The following SYNPO2 variants were observed in gnomAD, a reference collection of about 807,000 sequenced individuals.
SYNPO2 encodes synaptopodin-2.
SYNPO2 carries 56 observed loss-of-function variants against 85.0 expected under a neutral mutation model. The ratio of observed to expected loss-of-function variants is 0.66; its 90% CI spans 0.53 to 0.82. The LOEUF (loss-of-function observed/expected upper bound fraction) is 0.82, where lower values mean the gene tolerates loss of function less well. Ranked by LOEUF, SYNPO2 falls within the 40% of genes least tolerant of loss-of-function variation. The pLI, the probability that SYNPO2 is intolerant of heterozygous loss-of-function variation, is 0.00. For synonymous variants in SYNPO2, 602 were observed against 591.1 expected (o/e 1.02, Z -0.27); for missense variants, 1,575 against 1,534.2 (o/e 1.03, Z -0.44).
upstream of SYNPO2, among the ~76,000 whole-genome samples, chr4:118,883,942 T>G (rs189749731): frequency 6.6e-6 from 1 of 152,286 alleles, no homozygotes; most frequent in East Asian, 1.9e-4. Context: ...GACAAAGAAC[T>G]TTACTACTCA....
At chr4:119,034,848 C>T (rs1400320582) in intron 4 of SYNPO2, 1 of 985,436 alleles carries the variant, frequency 1.0e-6, no homozygotes, top group Non-Finnish European at 1.2e-6. Context: ...AGACGTCAGC[C>T]TCCCTCCCAT....
chr4:118,956,999 T>C lies in SYNPO2; in HGVS notation c.106-66431T>C, dbSNP rs925229988. On this transcript the variant is annotated intron_variant, in intron 1 of 4. Transcript: ENST00000307142. ...GGTAGAGGTTGCAGTGAGCTGAGAT[T>C]GCACCAGTACACTCCAGCCTGGGTG... Among the ~76,000 whole-genome samples the C allele has an allele frequency of 2.6e-5, 4 of 151,462 alleles. No homozygotes were observed. In the South Asian group the frequency reaches 8.3e-4, roughly 32 times the overall value.
At chr4:119,039,289 C>T (rs936519014) in intron 4 of SYNPO2, among the ~76,000 whole-genome samples, 3 of 152,110 alleles carry the variant, frequency 2.0e-5, no homozygotes, top group Non-Finnish European at 4.4e-5. Flanking sequence ...AACAGTCAAA[C>T]TCTATGGCCA....
chr4:119,035,826 A>AC (rs1255587431), intron 4 of SYNPO2: 22 of 984,906 alleles, frequency 2.2e-5, no homozygotes, highest in Non-Finnish European at 2.7e-5. Context: ...GTCCAAAAAA[A>AC]AAAAAAAAAC....
intron 1 of SYNPO2, among the ~76,000 whole-genome samples, chr4:119,011,125 C>T (rs62327852): frequency 0.038 from 5,786 of 152,268 alleles, 158 homozygotes; most frequent in Non-Finnish European, 0.06. Context: ...CTTGGCATGA[C>T]CCTGATTTCC....
intron 1 of SYNPO2, among the ~76,000 whole-genome samples, chr4:118,945,170 T>G (rs762311499): frequency 6.6e-6 from 1 of 152,240 alleles, no homozygotes; most frequent in Non-Finnish European, 1.5e-5. Flanking sequence ...AATAGTATTT[T>G]CTGACAATGT....
chr4:119,037,771 C>G (rs1738575961), intron 4 of SYNPO2: 1 of 394,666 alleles, frequency 2.5e-6, no homozygotes, highest in Non-Finnish European at 3.4e-6. Context: ...GTATCTTTCA[C>G]AGATTACTGC....
At chr4:119,032,876 A>G (rs1298120928) in intron 4 of SYNPO2, 3 of 950,686 alleles carry the variant, frequency 3.2e-6, no homozygotes, top group East Asian at 1.1e-4. Context: ...AATAATAGTA[A>G]TAATGAAGTA....
chr4:118,918,065 A>G lies in SYNPO2; in HGVS notation c.105+28924A>G, dbSNP rs1733411304. 1.3e-5 allele frequency among the ~76,000 whole-genome samples: 2 copies of G among 152,178 alleles called. 1 individual carries two copies. Among genetic ancestry groups the G allele is most frequent in the South Asian group, 4.1e-4 (2 of 4,832 alleles). On this transcript the variant is annotated intron_variant, in intron 1 of 4. Coordinates refer to ENST00000307142, the MANE Select transcript of SYNPO2 (RefSeq NM_133477.3). Reference sequence around the variant, plus strand: ...AAAGTAGGTGAAGAGTGCCTGCTGCATGAGCTTACCTTTAGCAATCCTTCC... The same window carrying G: ...AAAGTAGGTGAAGAGTGCCTGCTGCGTGAGCTTACCTTTAGCAATCCTTCC...
intron 4 of SYNPO2, among the ~76,000 whole-genome samples, chr4:119,049,379 T>C (rs1039775575): frequency 5.3e-5 from 8 of 152,204 alleles, no homozygotes; most frequent in African/African-American, 1.9e-4. Flanking sequence ...CATTTACTGA[T>C]CATGTGTTTA....
At chr4:118,973,064 G>T (rs1260283864) in intron 1 of SYNPO2, among the ~76,000 whole-genome samples, 1 of 152,042 alleles carries the variant, frequency 6.6e-6, no homozygotes, top group Non-Finnish European at 1.5e-5. Context: ...GGTATTTTTT[G>T]ATTTATGATG....
At chr4:118,982,492 A>G (rs1736066321) in intron 1 of SYNPO2, among the ~76,000 whole-genome samples, 1 of 152,112 alleles carries the variant, frequency 6.6e-6, no homozygotes, top group African/African-American at 2.4e-5. Context: ...TGAATGAGAG[A>G]AAATAAAAGA....
intron 4 of SYNPO2, chr4:119,037,212 A>C: frequency 6.6e-7 from 1 of 1,526,010 alleles, no homozygotes. Context: ...TCAAAATAAC[A>C]ACATTCAAAG....
At chr4:118,907,112 C>A (rs1276287003) in intron 1 of SYNPO2, among the ~76,000 whole-genome samples, 1 of 152,080 alleles carries the variant, frequency 6.6e-6, no homozygotes, top group East Asian at 1.9e-4. Flanking sequence ...CTGAGCCTGG[C>A]CCTTTTGAAA....
At chr4:119,021,439 T>C (rs1266384649) in intron 1 of SYNPO2, among the ~76,000 whole-genome samples, 1 of 152,100 alleles carries the variant, frequency 6.6e-6, no homozygotes, top group Admixed American at 6.6e-5. Context: ...TTCACCTCTC[T>C]AGGCTCAGAA....
At chr4:118,952,065 C>T (rs1734720049) in intron 1 of SYNPO2, among the ~76,000 whole-genome samples, 1 of 152,144 alleles carries the variant, frequency 6.6e-6, no homozygotes, top group African/African-American at 2.4e-5. Flanking sequence ...AGACAATTAT[C>T]CTCTGTCTTG....
intron 1 of SYNPO2, among the ~76,000 whole-genome samples, chr4:118,913,033 GC>G (rs1237120525): frequency 6.6e-6 from 1 of 152,092 alleles, no homozygotes; most frequent in Non-Finnish European, 1.5e-5. Context: ...GTTAGCATTA[GC>G]TTTTGATATT....
chr4:118,983,782 C>A (rs376629228), intron 1 of SYNPO2, among the ~76,000 whole-genome samples: 1 of 49,946 alleles, frequency 2.0e-5, no homozygotes, highest in Non-Finnish European at 4.6e-5. Flanking sequence ...TAACAAGCTA[C>A]GTGCCTGCCC....
intron 1 of SYNPO2, among the ~76,000 whole-genome samples, chr4:118,907,478 G>A (rs1051001726): frequency 6.6e-6 from 1 of 152,188 alleles, no homozygotes; most frequent in Non-Finnish European, 1.5e-5. Context: ...TGGGAGAAGA[G>A]AGGATATGTT....
Sources: allele counts gnomAD v4.1 joint callset (sites outside exome capture counted in the v4.1 genomes callset), GRCh38; gene constraint gnomAD v4.1.1; transcripts MANE v1.5; gene names NCBI Gene and HGNC (gene_info 2026-07-23, HGNC 2026-07-21).